The following TENM1 variants were observed in gnomAD, a reference collection of about 807,000 sequenced individuals.
The protein encoded by TENM1 is teneurin-1.
TENM1 carries 35 observed loss-of-function variants against 174.8 expected under a neutral mutation model. That is an observed-to-expected ratio of 0.20 (90% CI 0.15 to 0.27). The LOEUF (loss-of-function observed/expected upper bound fraction) is 0.27. Among genes scored for constraint, TENM1 ranks in the 10% least tolerant of loss-of-function variants. The pLI, the probability that TENM1 is intolerant of heterozygous loss-of-function variation, is 1.00. For synonymous variants in TENM1, 781 were observed against 798.7 expected (o/e 0.98, Z 0.37); for missense variants, 1,633 against 2,130.1 (o/e 0.77, Z 4.59).
intron 5 of TENM1, among the ~76,000 whole-genome samples, chrX:124,692,750 T>C (rs1189758115): frequency 1.8e-5 from 2 of 109,702 alleles, no homozygotes; most frequent in Non-Finnish European, 3.8e-5. Context: ...CTCATGCTTG[T>C]AATCCCAGCA....
chrX:125,113,546 T>C, the TENM1 span, among the ~76,000 whole-genome samples: 1 of 110,511 alleles, frequency 9.0e-6, no homozygotes. Flanking sequence ...ACACATAGGC[T>C]CAAAATAAAG....
At chrX:124,400,733 G>A (rs1451457347) in intron 27 of TENM1, among the ~76,000 whole-genome samples, 1 of 111,921 alleles carries the variant, frequency 8.9e-6, no homozygotes, top group African/African-American at 3.3e-5. Context: ...GACATAGCAA[G>A]GTACAAACTG....
chrX:124,884,454 C>T (rs1009063467), intron 3 of TENM1, among the ~76,000 whole-genome samples: 3 of 110,913 alleles, frequency 2.7e-5, no homozygotes, highest in African/African-American at 9.9e-5. Context: ...CAGGCATATT[C>T]CCTATGTTAG....
In TENM1 at chrX:124,433,831, A is replaced by G. The variant is rs755028319; in HGVS notation, c.4105-11193T>C. Among the ~76,000 whole-genome samples, 5 of 112,065 alleles carry G rather than the reference A, an allele frequency of 4.5e-5. No homozygotes were observed. In the East Asian group the frequency reaches 1.4e-3, roughly 31 times the overall value. On this transcript the variant is annotated intron_variant, in intron 23 of 31. Transcript: ENST00000422452. ...AAGAAATGCATTTCCCACTGCCTCC[A>G]TACTTTAACTTTTCTGAAGTGAAGA... is the stretch of plus-strand genomic sequence containing the variant.
intron 11 of TENM1, among the ~76,000 whole-genome samples, chrX:124,616,433 A>C (rs1172519510): frequency 8.9e-6 from 1 of 112,502 alleles, no homozygotes; most frequent in Non-Finnish European, 1.9e-5. Flanking sequence ...CTTGTTAAAC[A>C]TGCTGCTCTC....
intron 11 of TENM1, among the ~76,000 whole-genome samples, chrX:124,591,759 G>GA (rs1162960439): frequency 9.0e-6 from 1 of 111,425 alleles, no homozygotes; most frequent in African/African-American, 3.3e-5. Context: ...CTTATATCTG[G>GA]ATATAAACCT....
the TENM1 span, among the ~76,000 whole-genome samples, chrX:125,166,149 T>C: frequency 4.5e-5 from 5 of 111,337 alleles, no homozygotes; most frequent in African/African-American, 1.6e-4. Flanking sequence ...CATCATAACC[T>C]TCTTAGAAAA....
At chrX:124,529,934 G>T in exon 16 of TENM1, 5 of 1,210,507 alleles carry the variant, frequency 4.1e-6, no homozygotes, top group Non-Finnish European at 4.5e-6. Flanking sequence ...ACTCCCACTA[G>T]AGGAGTTCCA....
chrX:124,883,035 T>C (rs2057327070), intron 3 of TENM1, among the ~76,000 whole-genome samples: 2 of 112,232 alleles, frequency 1.8e-5, no homozygotes, highest in African/African-American at 3.2e-5. Context: ...TTTAATATCA[T>C]TATTTTCCCA....
chrX:125,044,229 A>AT, the TENM1 span, among the ~76,000 whole-genome samples: 6 of 105,069 alleles, frequency 5.7e-5, no homozygotes, highest in African/African-American at 2.1e-4. Context: ...AAAATAAAAA[A>AT]AAAAGAATAT....
At chrX:124,869,438 C>T (rs764435701) in intron 3 of TENM1, among the ~76,000 whole-genome samples, 12 of 111,199 alleles carry the variant, frequency 1.1e-4, no homozygotes. Flanking sequence ...CCAGCAATCC[C>T]ACTGATGGGT....
At chrX:125,057,192 A>C in the TENM1 span, among the ~76,000 whole-genome samples, 1 of 111,997 alleles carries the variant, frequency 8.9e-6, no homozygotes, top group Non-Finnish European at 1.9e-5. Context: ...ACATGCACTA[A>C]TACATACCCA....
chrX:125,136,113 C>T, the TENM1 span, among the ~76,000 whole-genome samples: 1 of 110,841 alleles, frequency 9.0e-6, no homozygotes, highest in Non-Finnish European at 1.9e-5. Context: ...TTCTTTAGAC[C>T]TTAAGGAAGA....
At chrX:125,159,361 T>C in the TENM1 span, among the ~76,000 whole-genome samples, 1 of 111,966 alleles carries the variant, frequency 8.9e-6, no homozygotes, top group Non-Finnish European at 1.9e-5. Flanking sequence ...ATTTACTCTT[T>C]GCCATGCTTC....
chrX:124,576,888 A>G (rs368843268), intron 11 of TENM1, among the ~76,000 whole-genome samples: 16 of 111,595 alleles, frequency 1.4e-4, no homozygotes, highest in Admixed American at 1.1e-3. Flanking sequence ...GCACATCTAA[A>G]TTACCTACAT....
the TENM1 span, among the ~76,000 whole-genome samples, chrX:125,026,911 T>C: frequency 9.0e-6 from 1 of 111,584 alleles, no homozygotes; most frequent in Non-Finnish European, 1.9e-5. Context: ...ATTGGAAATA[T>C]AGCAGTAGTC....
chrX:125,002,245 T>C, the TENM1 span, among the ~76,000 whole-genome samples: 1 of 111,559 alleles, frequency 9.0e-6, no homozygotes, highest in Non-Finnish European at 1.9e-5. Context: ...TGCTTCACAA[T>C]TGGGCTCCTA....
intron 3 of TENM1, among the ~76,000 whole-genome samples, chrX:124,848,662 T>C (rs991098677): frequency 1.8e-5 from 2 of 110,792 alleles, no homozygotes; most frequent in Non-Finnish European, 3.8e-5. Flanking sequence ...TGTACATACA[T>C]AGAATTCATT....
At chrX:124,515,647 A>T (rs1202051668) in intron 18 of TENM1, among the ~76,000 whole-genome samples, 1 of 111,054 alleles carries the variant, frequency 9.0e-6, no homozygotes, top group East Asian at 2.8e-4. Context: ...GGGAGGTGAA[A>T]AATCTCTCAA....
Sources: gnomAD v4.1 joint callset for allele counts (sites outside exome capture counted in the v4.1 genomes callset) on GRCh38, gnomAD v4.1.1 for gene constraint, MANE v1.5 for transcripts, NCBI Gene and HGNC (gene_info 2026-07-23, HGNC 2026-07-21) for gene names.